Variants in KIF17 observed in about 807,000 individuals in gnomAD.
KIF17 encodes kinesin-like protein KIF17.
In KIF17, 80 loss-of-function variants were observed where a neutral mutation model predicts 96.8. The ratio of observed to expected loss-of-function variants is 0.83; its 90% CI spans 0.69 to 1.00. The LOEUF (loss-of-function observed/expected upper bound fraction) is 1.00. KIF17 is among the 50% of genes least tolerant of loss of function. The pLI is 0.00. For missense variants in KIF17, 1,280 were observed against 1,372.9 expected (o/e 0.93, Z 1.07); for synonymous variants, 567 against 587.5 (o/e 0.97, Z 0.51).
intron 10 of KIF17, among the ~76,000 whole-genome samples, chr1:20,683,462 T>C (rs4654867): frequency 0.19 from 28,253 of 152,026 alleles, 3,442 homozygotes; most frequent in Middle Eastern, 0.27. Context: ...TGAGACTAGC[T>C]TGACCAACAT....
rs539532226 is a variant in KIF17, at chr1:20,715,446, C to T, written c.378+47G>A. 4.4e-6 allele frequency: 7 copies of T among 1,603,918 alleles called. 1 individual carries two copies. The South Asian group carries it at 7.7e-5, about 18-fold the overall frequency. On this transcript the variant is annotated intron_variant, in intron 2 of 14. Coordinates refer to ENST00000400463, the MANE Select transcript of KIF17 (RefSeq NM_001122819.3). ...TGCCACCTGTCAGAAGTGCTCTGGGCCCAGCTGCAGCTCTGGCCCTGCCCC... is the reference window on the plus strand; with the variant it reads ...TGCCACCTGTCAGAAGTGCTCTGGGTCCAGCTGCAGCTCTGGCCCTGCCCC...
intron 6 of KIF17, among the ~76,000 whole-genome samples, chr1:20,692,341 C>CTTTT (rs542078632): frequency 6.8e-6 from 1 of 147,838 alleles, no homozygotes; most frequent in African/African-American, 2.5e-5. Context: ...TCCTCTATTG[C>CTTTT]TTTTTTTTTT....
rs2053903797 is a variant in KIF17 at position 20,684,789 on chromosome 1, C to A, written c.2231+20G>T. 1.3e-6 allele frequency: 2 copies of A among 1,557,330 alleles called. No individual in the cohort carries two copies. Among genetic ancestry groups the A allele is most frequent in the Non-Finnish European group, 8.7e-7 (1 of 1,151,216 alleles). ...CCACCTCACCGTGGGGTCCCGCCAG[C>A]CCCATGCTCTGCTGCTTACCGGGCC... On this transcript the variant is annotated intron_variant, in intron 10 of 14. Transcript: ENST00000400463.
Position 20,664,509 on chromosome 1 carries a change from C to G in KIF17, c.*75G>C. 2.5e-6 allele frequency: 4 copies of G among 1,611,696 alleles called. No homozygotes were observed. Among genetic ancestry groups the G allele is most frequent in the Non-Finnish European group, 3.4e-6 (4 of 1,179,728 alleles). On this transcript the variant is annotated 3_prime_UTR_variant, in exon 15 of 15. Coordinates refer to ENST00000400463, the MANE Select transcript of KIF17 (RefSeq NM_001122819.3). Reference sequence around the variant, plus strand: ...GCGCTGTGTGGCAGGTGGGAGGAGACCTGGTTGGGGCTGCCCTGGGAGGGC... The same window carrying G: ...GCGCTGTGTGGCAGGTGGGAGGAGAGCTGGTTGGGGCTGCCCTGGGAGGGC...
chr1:20,705,891 CTCTT>C (rs2054332493), intron 4 of KIF17, among the ~76,000 whole-genome samples: 1 of 88,804 alleles, frequency 1.1e-5, no homozygotes, highest in African/African-American at 3.9e-5. Context: ...AGTAGGATGT[CTCTT>C]TTTTTTTTTT....
intron 11 of KIF17, among the ~76,000 whole-genome samples, chr1:20,680,554 G>A (rs1389385642): frequency 6.6e-6 from 1 of 152,174 alleles, no homozygotes; most frequent in Admixed American, 6.5e-5. Context: ...TTCAGCCTGG[G>A]TGACAGAGTG....
chr1:20,665,246 T>A (rs961483481), intron 14 of KIF17, among the ~76,000 whole-genome samples: 16 of 103,574 alleles, frequency 1.5e-4, no homozygotes, highest in East Asian at 7.5e-4. Context: ...TTTTTTTTTT[T>A]AGAAAAAGTC....
At position 20,686,141 on chromosome 1, in the gene KIF17, G is replaced by T. The variant is rs779942443; in HGVS notation, c.1939-15C>A. The stretch of plus-strand genomic sequence containing the variant: ...GGCGCAGGGACCTGGGAGGAAAGAG[G>T]GGATGGAGGAGAAAGAAGGCTGATT... On this transcript the variant is annotated splice_polypyrimidine_tract_variant and intron_variant, in intron 8 of 14. Transcript: ENST00000400463. 1 of 1,559,090 alleles carries T rather than the reference G, an allele frequency of 6.4e-7. No individual in the cohort carries two copies. The highest frequency in any genetic ancestry group is 2.4e-5 in the East Asian group (1 of 41,946).
chr1:20,689,588 T>C (rs1222837255), intron 7 of KIF17, among the ~76,000 whole-genome samples: 1 of 151,458 alleles, frequency 6.6e-6, no homozygotes, highest in Non-Finnish European at 1.5e-5. Flanking sequence ...GATGGGGAGG[T>C]TGCAGTAAGC....
chr1:20,698,834 C>T (rs1452872207), intron 5 of KIF17, among the ~76,000 whole-genome samples: 1 of 152,092 alleles, frequency 6.6e-6, no homozygotes, highest in African/African-American at 2.4e-5. Context: ...TAAGCACCTC[C>T]CATCAAAATA....
At position 20,673,773 on chromosome 1, in the gene KIF17, C is replaced by T. The variant is rs113010533; in HGVS notation, c.2464-1577G>A. On this transcript the variant is annotated intron_variant, in intron 11 of 14. Transcript: ENST00000400463. The stretch of plus-strand genomic sequence containing the variant: ...CTCAAACTCCTGACCTCAGGTGATC[C>T]ACCCACCTCGGCCTCCCAAAGTGTT... 3.0e-3 allele frequency among the ~76,000 whole-genome samples: 450 copies of T among 152,172 alleles called. 2 individuals are homozygous for T. The highest frequency in any genetic ancestry group is 9.6e-3 in the African/African-American group (400 of 41,508).
At chr1:20,715,776 A>G in intron 1 of KIF17, 137 bp from the exon 2 acceptor site, 1 of 1,010,288 alleles carries the variant, frequency 9.9e-7, no homozygotes, top group Non-Finnish European at 1.5e-6. Flanking sequence ...GGAGATAAAC[A>G]AGGCGCAGCT....
intron 6 of KIF17, 95 bp downstream of exon 6, chr1:20,698,284 G>A (rs774961077): frequency 1.2e-6 from 1 of 824,462 alleles, no homozygotes; most frequent in Non-Finnish European, 2.1e-6. Context: ...TGAAGGTACG[G>A]TGATATCGCG....
intron 1 of KIF17, among the ~76,000 whole-genome samples, chr1:20,716,623 A>C (rs1191902576): frequency 6.6e-6 from 1 of 152,156 alleles, no homozygotes; most frequent in Non-Finnish European, 1.5e-5. Flanking sequence ...TTCCAGGCTG[A>C]GGGGTCAGCT....
At chr1:20,712,588 AT>A (rs2054461504) in intron 3 of KIF17, among the ~76,000 whole-genome samples, 1 of 16,578 alleles carries the variant, frequency 6.0e-5, no homozygotes, top group Non-Finnish European at 1.8e-4. Context: ...TTATCTATAT[AT>A]ATATCTATAT....
Position 20,685,302 on chromosome 1 carries a change from C to T in KIF17, c.2020-282G>A. 1.6e-6 allele frequency: 1 copy of T among 626,390 alleles called. No individual in the cohort carries two copies. The highest frequency in any genetic ancestry group is 3.0e-6 in the Non-Finnish European group (1 of 335,844). The allele number at this position is 626,390 out of a possible 1,614,324, so 38.8% of individuals were successfully genotyped here. A position where few individuals can be genotyped will look rare whatever the true frequency, so the allele number is the denominator to read the frequency against. On this transcript the variant is annotated intron_variant, in intron 9 of 14. Transcript: ENST00000400463. The surrounding 1 kb of genome is among the most constrained non-coding windows in gnomAD (Gnocchi z 4.1). ...AGCCAGGGCCATCTTAAAATAGAAA[C>T]CGATCACATCCCGTTCCCGATGAGC... is the stretch of plus-strand genomic sequence containing the variant.
chr1:20,708,759 T>G (rs12042785), intron 4 of KIF17, among the ~76,000 whole-genome samples: 21,929 of 152,178 alleles, frequency 0.14, 1,959 homozygotes, highest in East Asian at 0.4. Context: ...TCGTGAGATT[T>G]AAATGGAATG....
At chr1:20,674,186 C>T (rs2154535247) in intron 11 of KIF17, among the ~76,000 whole-genome samples, 1 of 152,304 alleles carries the variant, frequency 6.6e-6, no homozygotes, top group East Asian at 1.9e-4. Context: ...GCCTCGGCCC[C>T]TCAAAGTCCT....
intron 3 of KIF17, among the ~76,000 whole-genome samples, chr1:20,710,868 T>A (rs978253293): frequency 2.6e-4 from 40 of 152,012 alleles, no homozygotes; most frequent in African/African-American, 6.0e-4. Flanking sequence ...CAGCTGTTTG[T>A]TAGTGGGGTC....
Sources: allele counts gnomAD v4.1 joint callset (sites outside exome capture counted in the v4.1 genomes callset), GRCh38; gene constraint gnomAD v4.1.1; non-coding constraint Gnocchi (gnomAD v3.1); transcripts MANE v1.5; gene names NCBI Gene and HGNC (gene_info 2026-07-23, HGNC 2026-07-21).